TPRA1: variants seen among roughly 807,000 people sequenced by gnomAD.
TPRA1 encodes the protein transmembrane protein adipocyte-associated 1.
Under a neutral mutation model 40.1 loss-of-function variants are expected in TPRA1, and 28 were observed. The ratio of observed to expected loss-of-function variants is 0.70; its 90% confidence interval spans 0.52 to 0.96. TPRA1 has a LOEUF of 0.96. TPRA1 is among the 40% of genes least tolerant of loss of function. The pLI, the probability that TPRA1 is intolerant of heterozygous loss-of-function variation, is 0.00. For synonymous variants in TPRA1, 219 were observed against 209.7 expected (o/e 1.04, Z -0.38); for missense variants, 441 against 482.6 (o/e 0.91, Z 0.81).
At chr3:127,578,999 CGAAGCCCACACCTGGACAGCCCACACCT>C (rs1189830915) in intron 3 of TPRA1, among the ~76,000 whole-genome samples, 1 of 149,508 alleles carries the variant, frequency 6.7e-6, no homozygotes, top group East Asian at 1.9e-4. Flanking sequence ...AGCCCACACC[CGAAGCCCACACCTGGACAGCCCACACCT>C]GAAGCCCACA....
At chr3:127,592,480 G>A (rs998279828), upstream of TPRA1, among the ~76,000 whole-genome samples, 1 of 149,364 alleles carries the variant, frequency 6.7e-6, no homozygotes, top group Non-Finnish European at 1.5e-5. Flanking sequence ...CCGCTTCCCG[G>A]GTTCACGCCA....
Position 127,573,499 on chromosome 3 carries a change from C to A in TPRA1, c.*22G>T. ...GCTGGCCTCCTCTCTGGCCTGTCCT[C>A]CACAGGCCCTGGCAGCTGCCCTCAG... is the stretch of plus-strand genomic sequence containing the variant. On this transcript the variant is annotated 3_prime_UTR_variant, in exon 11 of 11. Transcript: ENST00000355552. 6.2e-7 allele frequency: 1 copy of A among 1,602,354 alleles called. No individual in the cohort carries two copies. Among genetic ancestry groups the A allele is most frequent in the Non-Finnish European group, 8.5e-7 (1 of 1,174,508 alleles).
chr3:127,582,814 A>C (rs1021579187), intron 1 of TPRA1, among the ~76,000 whole-genome samples: 6 of 150,874 alleles, frequency 4.0e-5, no homozygotes, highest in Non-Finnish European at 7.4e-5. Flanking sequence ...CAGACTGACC[A>C]ACATGGAGAA....
intron 1 of TPRA1, among the ~76,000 whole-genome samples, chr3:127,589,961 G>T (rs1194025421): frequency 6.6e-6 from 1 of 152,232 alleles, no homozygotes; most frequent in African/African-American, 2.4e-5. Flanking sequence ...CAGAGGGAGC[G>T]GAGGCTTCGA....
At chr3:127,591,480 C>T (rs1576402895), upstream of TPRA1, among the ~76,000 whole-genome samples, 2 of 152,192 alleles carry the variant, frequency 1.3e-5, no homozygotes, top group African/African-American at 4.8e-5. Flanking sequence ...TCCCTGATTG[C>T]GCCTGTCTTA....
rs111805269 is a variant in TPRA1, at chr3:127,575,176, C to T, written c.854+9G>A. On this transcript the variant is annotated intron_variant, in intron 10 of 10. Transcript: ENST00000355552. ...AGCCACGCGGGGGCGCCGGCGGCCACAGACTCACCCGAAGAAGCCCCGGAG... is the reference window on the plus strand; with the variant it reads ...AGCCACGCGGGGGCGCCGGCGGCCATAGACTCACCCGAAGAAGCCCCGGAG... 3.4e-3 allele frequency: 5,412 copies of T among 1,613,418 alleles called. 97 individuals carry two copies. In the African/African-American group the frequency reaches 0.042, roughly 13 times the overall value.
Position 127,577,046 on chromosome 3 carries a change from G to T in TPRA1, c.289C>A (p.Arg97=). 6.2e-7 allele frequency: 1 copy of T among 1,613,554 alleles called. No individual in the cohort carries two copies. Among genetic ancestry groups the T allele is most frequent in the East Asian group, 2.2e-5 (1 of 44,874 alleles). ...VFVVALVGIA[R]AVVSMTVSTS... ...CTCACCGTCATGGATACCACGGCCC[G>T]GGCAATGCCCACCAGCGCCACCACA... The change falls in exon 4 of 11, where the codon CGG becomes AGG. Residue 97 remains arginine (R), a synonymous_variant. Coordinates refer to ENST00000355552, the MANE Select transcript of TPRA1 (RefSeq NM_001136053.4).
intron 1 of TPRA1, chr3:127,595,763 CTT>C (rs921053302): frequency 2.0e-5 from 3 of 152,236 alleles, no homozygotes; most frequent in African/African-American, 4.8e-5. Context: ...GCCTCTCTCT[CTT>C]GTTCGCTTGC....
intron 1 of TPRA1, among the ~76,000 whole-genome samples, chr3:127,584,447 TAAAAAAAAAAAAAAA>T (rs1163065087): frequency 5.8e-3 from 122 of 20,874 alleles, no homozygotes; most frequent in African/African-American, 0.021. Flanking sequence ...AGACCCTGTC[TAAAAAAAAAAAAAAA>T]AAAAAAAAAA....
intron 10 of TPRA1, among the ~76,000 whole-genome samples, chr3:127,574,827 A>G (rs1443317953): frequency 6.6e-6 from 1 of 152,206 alleles, no homozygotes; most frequent in Admixed American, 6.5e-5. Flanking sequence ...ACATGTATGT[A>G]TATGTTGAGC....
chr3:127,576,486 T>G lies in TPRA1; in HGVS notation c.498+131A>C. The G allele has an allele frequency of 2.2e-6, 2 of 890,588 alleles. No homozygotes were observed. The highest frequency in any genetic ancestry group is 3.3e-6 in the Non-Finnish European group (2 of 598,204). The allele number at this position is 890,588 out of a possible 1,614,324, so 55.2% of individuals were successfully genotyped here. A position where few individuals can be genotyped will look rare whatever the true frequency, so the allele number is the denominator to read the frequency against. ...ATGTGCCTCGGTAACAAGCACCCCA[T>G]GTGATTTCTCAGGTGCAAAGTTTTG... On this transcript the variant is annotated intron_variant, in intron 6 of 10. Coordinates refer to ENST00000355552, the MANE Select transcript of TPRA1 (RefSeq NM_001136053.4). The surrounding 1 kb of genome is among the most constrained non-coding windows in gnomAD (Gnocchi z 4.6).
In TPRA1 at chr3:127,575,273, G is replaced by T. The variant is rs1576365735; in HGVS notation, c.774-8C>A. On this transcript the variant is annotated splice_region_variant and splice_polypyrimidine_tract_variant and intron_variant, in intron 9 of 10. Coordinates refer to ENST00000355552, the MANE Select transcript of TPRA1 (RefSeq NM_001136053.4). ...GTTGTGGCATCTACACAGCTGCGGA[G>T]AAGGCGGGTCAGCGCGGGGCCTCCT... The T allele has an allele frequency of 6.2e-7, 1 of 1,613,328 alleles. No homozygotes were observed. Among genetic ancestry groups the T allele is most frequent in the East Asian group, 2.2e-5 (1 of 44,840 alleles).
upstream of TPRA1, chr3:127,590,752 G>A (rs1239733291): frequency 1.3e-5 from 2 of 152,060 alleles, no homozygotes; most frequent in Non-Finnish European, 2.9e-5. Context: ...CAGAGTCCCA[G>A]AGTCCCTGTT....
intron 1 of TPRA1, among the ~76,000 whole-genome samples, chr3:127,589,824 G>A (rs2074114272): frequency 6.6e-6 from 1 of 152,200 alleles, no homozygotes; most frequent in Non-Finnish European, 1.5e-5. Flanking sequence ...GCCCTCAACA[G>A]GTTGTTATGA....
rs1270439092 is a variant in TPRA1 at position 127,573,186 on chromosome 3, T to A, written c.*335A>T. ...GCACCATGGGGATGGGATGGAGGCA[T>A]TGGGAGAGCCAGCCCTGCCCTCGTG... On this transcript the variant is annotated 3_prime_UTR_variant, in exon 11 of 11. Coordinates refer to ENST00000355552, the MANE Select transcript of TPRA1 (RefSeq NM_001136053.4). 1 of 245,108 alleles carries A rather than the reference T, an allele frequency of 4.1e-6. No homozygotes were observed. The highest frequency in any genetic ancestry group is 7.9e-6 in the Non-Finnish European group (1 of 126,356). The allele number at this position is 245,108 out of a possible 1,614,324, so 15.2% of individuals were successfully genotyped here. A position where few individuals can be genotyped will look rare whatever the true frequency, so the allele number is the denominator to read the frequency against.
chr3:127,588,483 C>A (rs563139045), intron 1 of TPRA1, among the ~76,000 whole-genome samples: 1 of 145,222 alleles, frequency 6.9e-6, no homozygotes, highest in East Asian at 2.0e-4. Context: ...TGCAATGGTG[C>A]GATCTTGGGT....
In TPRA1 at chr3:127,576,067, G is replaced by A; in HGVS notation, c.499-17C>T. The A allele has an allele frequency of 6.3e-7, 1 of 1,578,528 alleles. No homozygotes were observed. Among genetic ancestry groups the A allele is most frequent in the Non-Finnish European group, 8.7e-7 (1 of 1,148,660 alleles). On this transcript the variant is annotated splice_polypyrimidine_tract_variant and intron_variant, in intron 6 of 10. Coordinates refer to ENST00000355552, the MANE Select transcript of TPRA1 (RefSeq NM_001136053.4). The surrounding 1 kb of genome is among the most constrained non-coding windows in gnomAD (Gnocchi z 4.6). ...CAGGGTCCCCTGCAGGGGCAAGCAG[G>A]AAGGGAGGAAGGGAGAGGATCTCAA...
chr3:127,585,030 C>G (rs774435235), intron 1 of TPRA1, among the ~76,000 whole-genome samples: 1 of 152,096 alleles, frequency 6.6e-6, no homozygotes, highest in Non-Finnish European at 1.5e-5. Flanking sequence ...CACAATGAGG[C>G]CTCCGTGCAT....
upstream of TPRA1, among the ~76,000 whole-genome samples, chr3:127,592,535 G>A (rs2074196191): frequency 2.0e-5 from 3 of 151,378 alleles, no homozygotes; most frequent in African/African-American, 2.4e-5. Flanking sequence ...ACAGGCGCCC[G>A]CCACCGCGCC....
Sources: gnomAD v4.1 joint callset for allele counts (sites outside exome capture counted in the v4.1 genomes callset) on GRCh38, gnomAD v4.1.1 for gene constraint, Gnocchi (gnomAD v3.1) non-coding constraint, MANE v1.5 for transcripts, NCBI Gene and HGNC (gene_info 2026-07-23, HGNC 2026-07-21) for gene names.